The following AGBL4 variants were observed in gnomAD, a reference collection of about 807,000 sequenced individuals.
AGBL4 encodes the protein AGBL carboxypeptidase 4.
AGBL4 carries 58 observed loss-of-function variants against 66.4 expected under a neutral mutation model. That is an observed-to-expected ratio of 0.87 (90% CI 0.71 to 1.09). The LOEUF (loss-of-function observed/expected upper bound fraction) is 1.09, where lower values mean the gene tolerates loss of function less well. Ranked by LOEUF, AGBL4 falls within the 50% of genes least tolerant of loss-of-function variation. AGBL4 has a pLI of 0.00. For missense variants in AGBL4, 579 were observed against 631.0 expected (o/e 0.92, Z 0.88); for synonymous variants, 234 against 222.9 (o/e 1.05, Z -0.44).
Position 48,739,109 on chromosome 1 carries a change from T to G in AGBL4, c.635-75868A>C, listed in dbSNP as rs140249426. 1.9e-3 allele frequency among the ~76,000 whole-genome samples: 296 copies of G among 152,330 alleles called. 2 individuals carry two copies. The highest frequency in any genetic ancestry group is 0.01 in the Middle Eastern group (3 of 294). On this transcript the variant is annotated intron_variant, in intron 6 of 13. Transcript: ENST00000371839. ...ACATCAATGTTCAGTTAGTTTTCCT[T>G]TTGAGTTTCCTCTGTATCTGCCTGG...
intron 2 of AGBL4, among the ~76,000 whole-genome samples, chr1:49,739,282 A>G (rs953326010): frequency 1.5e-4 from 23 of 152,210 alleles, no homozygotes; most frequent in African/African-American, 2.4e-4. Flanking sequence ...AGCTGATTCG[A>G]TCAACTGGAA....
chr1:48,895,912 C>T (rs1222577868), intron 5 of AGBL4, among the ~76,000 whole-genome samples: 1 of 152,168 alleles, frequency 6.6e-6, no homozygotes, highest in Admixed American at 6.5e-5. Flanking sequence ...AGAAAATGTA[C>T]CAAAAGTCTA....
intron 6 of AGBL4, among the ~76,000 whole-genome samples, chr1:48,830,738 A>G (rs945696539): frequency 3.3e-5 from 5 of 152,234 alleles, no homozygotes; most frequent in African/African-American, 1.2e-4. Flanking sequence ...AACTTTGGGC[A>G]CCTAGCAATT....
intron 6 of AGBL4, among the ~76,000 whole-genome samples, chr1:48,795,394 CT>C (rs1385066706): frequency 5.3e-5 from 8 of 152,208 alleles, no homozygotes; most frequent in Non-Finnish European, 1.0e-4. Context: ...TTTCCTCCCC[CT>C]CCCCCTTTTC....
chr1:49,105,485 G>C (rs1195611150), intron 4 of AGBL4, among the ~76,000 whole-genome samples: 1 of 152,144 alleles, frequency 6.6e-6, no homozygotes, highest in Admixed American at 6.5e-5. Context: ...CTAGTGGAGA[G>C]AGTTAGGACC....
chr1:49,861,225 A>G (rs1467272475), intron 1 of AGBL4, among the ~76,000 whole-genome samples: 1 of 152,158 alleles, frequency 6.6e-6, no homozygotes, highest in African/African-American at 2.4e-5. Context: ...ACTTTTAGGT[A>G]AGCCTAGAGC....
intron 5 of AGBL4, among the ~76,000 whole-genome samples, chr1:49,021,092 C>T (rs1452023142): frequency 6.6e-6 from 1 of 152,148 alleles, no homozygotes; most frequent in Non-Finnish European, 1.5e-5. Context: ...CTATTAGGTT[C>T]CTACAGCAAC....
At chr1:49,169,241 G>C (rs964579782) in intron 4 of AGBL4, among the ~76,000 whole-genome samples, 1 of 152,182 alleles carries the variant, frequency 6.6e-6, no homozygotes, top group African/African-American at 2.4e-5. Context: ...ACTCAGCTCA[G>C]CTGTAGCACA....
At chr1:49,333,110 C>T (rs1001038220) in intron 3 of AGBL4, among the ~76,000 whole-genome samples, 1 of 151,902 alleles carries the variant, frequency 6.6e-6, no homozygotes, top group Non-Finnish European at 1.5e-5. Context: ...TTTTGATGGG[C>T]TTGTTTTGTT....
At chr1:49,511,037 T>C (rs1191821945) in intron 3 of AGBL4, among the ~76,000 whole-genome samples, 2 of 151,764 alleles carry the variant, frequency 1.3e-5, no homozygotes, top group African/African-American at 4.9e-5. Flanking sequence ...AGCTTTGTTC[T>C]TTTGGCTTAG....
chr1:49,121,234 C>T (rs1645647020), intron 4 of AGBL4, among the ~76,000 whole-genome samples: 1 of 152,154 alleles, frequency 6.6e-6, no homozygotes, highest in Admixed American at 6.5e-5. Flanking sequence ...ATTCTCCATC[C>T]AGCTTTGTTC....
At chr1:48,910,994 CAAAT>C (rs2148880821) in intron 5 of AGBL4, among the ~76,000 whole-genome samples, 1 of 152,260 alleles carries the variant, frequency 6.6e-6, no homozygotes, top group East Asian at 1.9e-4. Flanking sequence ...TGGCTAATAT[CAAAT>C]AGGATTCTTG....
intron 11 of AGBL4, among the ~76,000 whole-genome samples, chr1:48,547,922 G>A (rs980943419): frequency 2.0e-5 from 3 of 152,120 alleles, no homozygotes; most frequent in African/African-American, 7.2e-5. Context: ...GGTAAATGTA[G>A]TCTCTTGAGT....
intron 6 of AGBL4, among the ~76,000 whole-genome samples, chr1:48,681,710 C>T (rs1317147733): frequency 1.3e-5 from 2 of 152,170 alleles, no homozygotes; most frequent in Admixed American, 6.5e-5. Flanking sequence ...AACAGTAGAC[C>T]CGGTCCAGGG....
intron 2 of AGBL4, among the ~76,000 whole-genome samples, chr1:49,805,161 A>G (rs866458893): frequency 9.2e-5 from 14 of 152,332 alleles, no homozygotes; most frequent in Middle Eastern, 3.4e-3. Context: ...AAGGAAAACA[A>G]GGGAGTTTCG....
chr1:48,825,829 T>C (rs1646416165), intron 6 of AGBL4, among the ~76,000 whole-genome samples: 1 of 152,198 alleles, frequency 6.6e-6, no homozygotes, highest in South Asian at 2.1e-4. Flanking sequence ...AGTGCCCTGT[T>C]AATGACATTG....
intron 1 of AGBL4, among the ~76,000 whole-genome samples, chr1:49,948,043 A>AATATAT (rs1200172304): frequency 4.3e-4 from 3 of 6,898 alleles, no homozygotes; most frequent in African/African-American, 9.4e-4. Context: ...TATACATATA[A>AATATAT]ATATATAAAT....
At position 49,377,238 on chromosome 1, in the gene AGBL4, G is replaced by C. The variant is rs1383290211; in HGVS notation, c.283-131374C>G. ...AAATGAGAGTGACACAAAACTATGA[G>C]ACTAGAAAAATCAGGACAGTAATTA... On this transcript the variant is annotated intron_variant, in intron 3 of 13. Coordinates refer to ENST00000371839, the MANE Select transcript of AGBL4 (RefSeq NM_032785.4). Among the ~76,000 whole-genome samples, 4 of 152,058 alleles carry C rather than the reference G, an allele frequency of 2.6e-5. No individual in the cohort carries two copies. In the East Asian group the frequency reaches 7.7e-4, roughly 29 times the overall value.
chr1:49,354,112 G>T (rs907104687), intron 3 of AGBL4, among the ~76,000 whole-genome samples: 29 of 152,158 alleles, frequency 1.9e-4, no homozygotes, highest in African/African-American at 7.0e-4. Context: ...AACATTAATT[G>T]TAACACACCC....
Sources: gnomAD v4.1 joint callset for allele counts (sites outside exome capture counted in the v4.1 genomes callset) on GRCh38, gnomAD v4.1.1 for gene constraint, MANE v1.5 for transcripts, NCBI Gene and HGNC (gene_info 2026-07-23, HGNC 2026-07-21) for gene names.